Variants in PALLD observed in about 807,000 individuals in gnomAD.
PALLD encodes the protein palladin, cytoskeletal associated protein.
PALLD carries 61 observed loss-of-function variants against 123.5 expected under a neutral mutation model. That is an observed-to-expected ratio of 0.49 (90% CI 0.40 to 0.61). PALLD has a LOEUF of 0.61. Ranked by LOEUF, PALLD falls within the 20% of genes least tolerant of loss-of-function variation. The probability of loss-of-function intolerance (pLI) is 0.00; values close to 1 mark genes in which losing one functional copy is unlikely to be tolerated. For synonymous variants in PALLD, 465 were observed against 496.4 expected (o/e 0.94, Z 0.84); for missense variants, 1,273 against 1,377.0 (o/e 0.92, Z 1.20).
chr4:168,789,007 T>C (rs1581475224), intron 10 of PALLD, among the ~76,000 whole-genome samples: 1 of 152,300 alleles, frequency 6.6e-6, no homozygotes, highest in South Asian at 2.1e-4. Flanking sequence ...ATCCTGACTT[T>C]CGTGATAAAA....
At chr4:168,652,441 A>G (rs1257367362) in intron 2 of PALLD, among the ~76,000 whole-genome samples, 1 of 152,214 alleles carries the variant, frequency 6.6e-6, no homozygotes, top group Non-Finnish European at 1.5e-5. Flanking sequence ...TGAATTTAGC[A>G]TGTAATTTTC....
At chr4:168,640,592 T>C (rs1776841611) in intron 2 of PALLD, among the ~76,000 whole-genome samples, 1 of 152,234 alleles carries the variant, frequency 6.6e-6, no homozygotes, top group Non-Finnish European at 1.5e-5. Flanking sequence ...GATTCAGAGA[T>C]AACTGACTAC....
chr4:168,833,468 C>T (rs1744635131), intron 10 of PALLD, among the ~76,000 whole-genome samples: 1 of 152,226 alleles, frequency 6.6e-6, no homozygotes, highest in South Asian at 2.1e-4. Flanking sequence ...GAGAAACTAG[C>T]ACGAGAAAAG....
intron 8 of PALLD, chr4:168,700,959 G>A (rs2150158447): frequency 6.6e-6 from 1 of 152,174 alleles, no homozygotes; most frequent in African/African-American, 2.4e-5. Context: ...TCCCACTAGA[G>A]GCCTGGGCAA....
chr4:168,643,769 C>G (rs1777178372), intron 2 of PALLD, among the ~76,000 whole-genome samples: 1 of 152,186 alleles, frequency 6.6e-6, no homozygotes, highest in Non-Finnish European at 1.5e-5. Flanking sequence ...TTAATAATAA[C>G]AGTTGGCCTT....
intron 8 of PALLD, among the ~76,000 whole-genome samples, chr4:168,703,177 C>T (rs1193396873): frequency 6.4e-4 from 92 of 144,520 alleles, no homozygotes; most frequent in Middle Eastern, 3.6e-3. Context: ...TTTGTTCTTG[C>T]GATAGTTTAC....
chr4:168,817,147 C>T (rs181269941), intron 10 of PALLD, among the ~76,000 whole-genome samples: 3 of 152,206 alleles, frequency 2.0e-5, no homozygotes, highest in East Asian at 1.9e-4. Context: ...AAAAACAGAT[C>T]GTATCTATCC....
intron 2 of PALLD, among the ~76,000 whole-genome samples, chr4:168,584,897 C>A (rs2085925394): frequency 6.6e-6 from 1 of 152,148 alleles, no homozygotes; most frequent in Non-Finnish European, 1.5e-5. Context: ...ATTCCCTCAA[C>A]AAAGTACCCA....
intron 2 of PALLD, among the ~76,000 whole-genome samples, chr4:168,555,039 G>A (rs973810310): frequency 1.3e-5 from 2 of 152,044 alleles, no homozygotes; most frequent in Non-Finnish European, 2.9e-5. Flanking sequence ...ATTTGTATAC[G>A]ATGAGATTTA....
chr4:168,878,260 G>T (rs1395764301), intron 10 of PALLD: 3 of 1,525,152 alleles, frequency 2.0e-6, no homozygotes, highest in South Asian at 2.4e-5. Flanking sequence ...CGGGACAGGC[G>T]TCCCACTGCT....
intron 10 of PALLD, among the ~76,000 whole-genome samples, chr4:168,788,179 C>A (rs1241269185): frequency 6.6e-6 from 1 of 152,098 alleles, no homozygotes; most frequent in African/African-American, 2.4e-5. Context: ...GAGTAGCAAC[C>A]TAAGTACTAA....
At chr4:168,606,232 G>C (rs184250075) in intron 2 of PALLD, among the ~76,000 whole-genome samples, 1 of 152,242 alleles carries the variant, frequency 6.6e-6, no homozygotes, top group African/African-American at 2.4e-5. Context: ...TATTGTTGTT[G>C]TTGTTGTTAC....
At chr4:168,864,633 T>C (rs1394780093) in intron 10 of PALLD, 16 of 152,200 alleles carry the variant, frequency 1.1e-4, no homozygotes, top group Admixed American at 1.0e-3. Flanking sequence ...CTTCCCTAAA[T>C]GAAGGGCCAT....
chr4:168,850,523 C>CTTTTTTTTTTTTTTTTTTTTTTTTT lies in PALLD; in HGVS notation c.1965-40395_1965-40371dup, dbSNP rs767777801. On this transcript the variant is annotated intron_variant, in intron 10 of 21. Transcript: ENST00000505667. ...TATATAATTTGTAAGTCTGTCATTT[C>CTTTTTTTTTTTTTTTTTTTTTTTTT]TTTTTTTTTTTTTTTTTTTTTTTTT... Among the ~76,000 whole-genome samples the CTTTTTTTTTTTTTTTTTTTTTTTTT allele has an allele frequency of 8.6e-5, 3 of 34,692 alleles. 1 individual carries two copies. Among genetic ancestry groups the CTTTTTTTTTTTTTTTTTTTTTTTTT allele is most frequent in the Non-Finnish European group, 1.4e-4 (3 of 21,440 alleles). The allele number at this position is 34,692 out of a possible 152,430, so 22.8% of individuals were successfully genotyped here.
chr4:168,637,692 C>T (rs1776483400), intron 2 of PALLD, among the ~76,000 whole-genome samples: 1 of 152,112 alleles, frequency 6.6e-6, no homozygotes, highest in South Asian at 2.1e-4. Context: ...ACCTGTAATC[C>T]TAGCACTTTG....
intron 2 of PALLD, among the ~76,000 whole-genome samples, chr4:168,646,349 C>T (rs1204142458): frequency 6.6e-6 from 1 of 152,146 alleles, no homozygotes; most frequent in Non-Finnish European, 1.5e-5. Flanking sequence ...ACTTCGGGGC[C>T]ACCAGCAATC....
At chr4:168,921,987 C>T (rs1191194322) in intron 18 of PALLD, among the ~76,000 whole-genome samples, 1 of 151,880 alleles carries the variant, frequency 6.6e-6, no homozygotes, top group African/African-American at 2.4e-5. Flanking sequence ...CATTCGACCT[C>T]CTGTGTGTAT....
At chr4:168,908,795 G>A (rs2151360455) in intron 15 of PALLD, among the ~76,000 whole-genome samples, 1 of 152,308 alleles carries the variant, frequency 6.6e-6, no homozygotes, top group South Asian at 2.1e-4. Context: ...GAGCTCTCCT[G>A]AGCAGTGGAA....
chr4:168,701,212 G>A (rs2150159331), intron 8 of PALLD, among the ~76,000 whole-genome samples: 1 of 152,372 alleles, frequency 6.6e-6, no homozygotes, highest in Non-Finnish European at 1.5e-5. Flanking sequence ...AAGTACTCCA[G>A]GAGGAGCCAG....
Sources: gnomAD v4.1 joint callset for allele counts (sites outside exome capture counted in the v4.1 genomes callset) on GRCh38, gnomAD v4.1.1 for gene constraint, MANE v1.5 for transcripts, NCBI Gene and HGNC (gene_info 2026-07-23, HGNC 2026-07-21) for gene names.